TTC28: variants seen among roughly 807,000 people sequenced by gnomAD.
TTC28 encodes tetratricopeptide repeat protein 28.
In TTC28, 61 loss-of-function variants were observed where a neutral mutation model predicts 198.0. The ratio of observed to expected loss-of-function variants is 0.31; its 90% CI spans 0.25 to 0.38. The LOEUF is 0.38. Among genes scored for constraint, TTC28 ranks in the 10% least tolerant of loss-of-function variants. The pLI is 1.00. For missense variants in TTC28, 2,678 were observed against 3,164.0 expected, an observed-to-expected ratio of 0.85 and a Z score of 3.69; for synonymous variants, 1,171 against 1,297.8, an observed-to-expected ratio of 0.90 and a Z score of 2.10.
chr22:28,130,160 C>A (rs1601356250), intron 6 of TTC28, among the ~76,000 whole-genome samples: 1 of 152,252 alleles, frequency 6.6e-6, no homozygotes, highest in East Asian at 1.9e-4. Flanking sequence ...AAGCAGATTC[C>A]TTTTACATTA....
intron 2 of TTC28, among the ~76,000 whole-genome samples, chr22:28,560,479 G>T (rs1268385883): frequency 6.6e-6 from 1 of 152,028 alleles, no homozygotes; most frequent in Non-Finnish European, 1.5e-5. Flanking sequence ...CTTATGACTT[G>T]GGCCCTCCTA....
At chr22:28,055,149 G>A (rs1442126819) in intron 12 of TTC28, among the ~76,000 whole-genome samples, 1 of 152,180 alleles carries the variant, frequency 6.6e-6, no homozygotes, top group African/African-American at 2.4e-5. Flanking sequence ...AACAGGTAAT[G>A]TCTATTCTTT....
chr22:28,042,053 T>C (rs1235811364), intron 12 of TTC28, among the ~76,000 whole-genome samples: 1 of 152,156 alleles, frequency 6.6e-6, no homozygotes, highest in Non-Finnish European at 1.5e-5. Flanking sequence ...CCAGTTAGAA[T>C]GGCAATCATT....
chr22:28,123,092 A>T (rs1001375397), intron 6 of TTC28, among the ~76,000 whole-genome samples: 3 of 152,256 alleles, frequency 2.0e-5, no homozygotes, highest in African/African-American at 7.2e-5. Context: ...TGGCAGCAAA[A>T]GCCATCTTAC....
intron 2 of TTC28, among the ~76,000 whole-genome samples, chr22:28,552,176 G>C (rs1263689005): frequency 6.6e-6 from 1 of 152,004 alleles, no homozygotes; most frequent in Non-Finnish European, 1.5e-5. Flanking sequence ...CCTAACCAAG[G>C]AGGCGAAAGA....
chr22:28,502,490 T>A (rs1169245813), intron 2 of TTC28, among the ~76,000 whole-genome samples: 79 of 126,090 alleles, frequency 6.3e-4, no homozygotes, highest in African/African-American at 2.1e-3. Context: ...AAAAAAAAAA[T>A]ACAAAAAATT....
intron 2 of TTC28, among the ~76,000 whole-genome samples, chr22:28,560,006 T>G (rs1384005017): frequency 2.0e-5 from 3 of 152,164 alleles, no homozygotes; most frequent in Non-Finnish European, 4.4e-5. Context: ...AAATTTAATA[T>G]CTAAAACAGA....
At chr22:28,171,769 G>A (rs1922704783) in intron 5 of TTC28, among the ~76,000 whole-genome samples, 1 of 152,104 alleles carries the variant, frequency 6.6e-6, no homozygotes, top group Non-Finnish European at 1.5e-5. Context: ...GTAGAGAGCA[G>A]AAACAATTCC....
chr22:28,529,062 G>A (rs993470186), intron 2 of TTC28, among the ~76,000 whole-genome samples: 2 of 152,184 alleles, frequency 1.3e-5, no homozygotes, highest in African/African-American at 2.4e-5. Context: ...ACTGGGGCTT[G>A]TCAGACAGTG....
At chr22:28,676,743 G>C (rs1393094846) in intron 1 of TTC28, among the ~76,000 whole-genome samples, 1 of 151,028 alleles carries the variant, frequency 6.6e-6, no homozygotes, top group African/African-American at 2.4e-5. Flanking sequence ...AAAAAGCCAG[G>C]TGTGGTGGCT....
intron 2 of TTC28, among the ~76,000 whole-genome samples, chr22:28,426,300 G>T (rs1245896015): frequency 6.6e-6 from 1 of 151,878 alleles, no homozygotes; most frequent in Non-Finnish European, 1.5e-5. Flanking sequence ...TAGTGGGGGT[G>T]GAAAACAACA....
intron 1 of TTC28, among the ~76,000 whole-genome samples, chr22:28,678,672 G>C (rs2052040679): frequency 6.6e-6 from 1 of 152,148 alleles, no homozygotes; most frequent in African/African-American, 2.4e-5. Context: ...AGAAGCTCCT[G>C]AAAATGTCTC....
Position 28,077,153 on chromosome 22 carries a change from T to C in TTC28, c.3932+16927A>G, listed in dbSNP as rs527467877. On this transcript the variant is annotated intron_variant, in intron 12 of 22. Transcript: ENST00000397906. ...AGGATTGCACCTCTATTTATTCATC[T>C]ACTCTCTCACTAATGCCATCTGGGT... Among the ~76,000 whole-genome samples, 10 of 152,336 alleles carry C rather than the reference T, an allele frequency of 6.6e-5. No homozygotes were observed. The South Asian group carries it at 2.1e-3, about 32-fold the overall frequency.
chr22:28,493,809 A>G (rs2048412396), intron 2 of TTC28, among the ~76,000 whole-genome samples: 1 of 152,222 alleles, frequency 6.6e-6, no homozygotes, highest in Non-Finnish European at 1.5e-5. Flanking sequence ...ACCACAACAC[A>G]TTAAATGGCA....
At chr22:28,026,880 C>T (rs760462961) in intron 13 of TTC28, among the ~76,000 whole-genome samples, 2 of 152,190 alleles carry the variant, frequency 1.3e-5, no homozygotes, top group Non-Finnish European at 2.9e-5. Flanking sequence ...CTTGTTGCGC[C>T]AATGGTGGCT....
chr22:28,088,197 A>G (rs913931398), intron 12 of TTC28, among the ~76,000 whole-genome samples: 7 of 152,310 alleles, frequency 4.6e-5, no homozygotes, highest in African/African-American at 1.7e-4. Flanking sequence ...AAGAGCCCGC[A>G]TTGCCAAGTC....
chr22:28,188,055 C>T (rs80229812), intron 5 of TTC28, among the ~76,000 whole-genome samples: 3,655 of 152,186 alleles, frequency 0.024, 63 homozygotes, highest in South Asian at 0.034. Context: ...TAAAAATAAA[C>T]GAGACAAGGC....
At chr22:28,563,080 G>A (rs1366446350) in intron 2 of TTC28, among the ~76,000 whole-genome samples, 1 of 152,076 alleles carries the variant, frequency 6.6e-6, no homozygotes, top group African/African-American at 2.4e-5. Flanking sequence ...CTGAGATGGA[G>A]CCACTACACT....
chr22:28,267,193 C>A (rs1931737298), intron 5 of TTC28, among the ~76,000 whole-genome samples: 1 of 152,134 alleles, frequency 6.6e-6, no homozygotes, highest in South Asian at 2.1e-4. Flanking sequence ...TTCCTATGAC[C>A]AATTTCTGTG....
Sources: allele counts gnomAD v4.1 joint callset (sites outside exome capture counted in the v4.1 genomes callset), GRCh38; gene constraint gnomAD v4.1.1; transcripts MANE v1.5; gene names NCBI Gene and HGNC (gene_info 2026-07-23, HGNC 2026-07-21).